IL1RAPL2: variants seen among roughly 807,000 people sequenced by gnomAD.
IL1RAPL2 encodes the protein X-linked interleukin-1 receptor accessory protein-like 2.
A neutral mutation model predicts 44.1 loss-of-function variants in IL1RAPL2; 3 were observed. The ratio of observed to expected loss-of-function variants is 0.07; its 90% CI spans 0.03 to 0.18. The LOEUF (loss-of-function observed/expected upper bound fraction) is 0.18. Among genes scored for constraint, IL1RAPL2 ranks in the 10% least tolerant of loss-of-function variants. The probability of loss-of-function intolerance (pLI) is 1.00; values close to 1 mark genes in which losing one functional copy is unlikely to be tolerated. For missense variants in IL1RAPL2, 391 were observed against 496.4 expected (o/e 0.79, Z 2.02); for synonymous variants, 181 against 178.8 (o/e 1.01, Z -0.10).
chrX:105,512,122 A>G (rs2036474879), intron 6 of IL1RAPL2, among the ~76,000 whole-genome samples: 1 of 111,264 alleles, frequency 9.0e-6, no homozygotes, highest in Non-Finnish European at 1.9e-5. Flanking sequence ...TTTCTGGGTG[A>G]AAAACTGTCA....
rs781944873 is a variant in IL1RAPL2, at chrX:105,196,406, T to C, written c.356+658T>C. Among the ~76,000 whole-genome samples the C allele has an allele frequency of 2.7e-5, 3 of 112,146 alleles. No individual in the cohort carries two copies. The East Asian group carries it at 8.5e-4, about 32-fold the overall frequency. The stretch of plus-strand genomic sequence containing the variant: ...GCTAGTTGACTCAATTATCTTGATA[T>C]CTGGCCACGAAAATGATCTAAAATA... On this transcript the variant is annotated intron_variant, in intron 3 of 10. Transcript: ENST00000372582.
chrX:105,144,203 T>C (rs1361309676), intron 2 of IL1RAPL2, among the ~76,000 whole-genome samples: 1 of 107,403 alleles, frequency 9.3e-6, no homozygotes, highest in East Asian at 3.0e-4. Flanking sequence ...CTTCTGCCAA[T>C]CTTTCCTGTG....
At chrX:105,754,519 CA>C (rs1297075947) in intron 9 of IL1RAPL2, among the ~76,000 whole-genome samples, 2 of 112,536 alleles carry the variant, frequency 1.8e-5, no homozygotes, top group Non-Finnish European at 3.8e-5. Context: ...TATTTTGAAA[CA>C]AAGGCTTCTT....
intron 3 of IL1RAPL2, among the ~76,000 whole-genome samples, chrX:105,197,776 T>G (rs782163668): frequency 1.8e-5 from 2 of 111,144 alleles, no homozygotes; most frequent in East Asian, 2.8e-4. Flanking sequence ...TTTACTTTTA[T>G]TTTAGGCTCA....
intron 6 of IL1RAPL2, among the ~76,000 whole-genome samples, chrX:105,521,049 C>T (rs1259025880): frequency 9.4e-4 from 97 of 103,496 alleles, no homozygotes; most frequent in African/African-American, 3.3e-3. Flanking sequence ...ATTCTCCTGC[C>T]TCAGCCTCCC....
intron 2 of IL1RAPL2, among the ~76,000 whole-genome samples, chrX:104,848,766 A>T (rs1245254622): frequency 9.1e-6 from 1 of 109,539 alleles, no homozygotes; most frequent in Non-Finnish European, 1.9e-5. Flanking sequence ...TATAATTTTT[A>T]AAAACATGTT....
intron 2 of IL1RAPL2, among the ~76,000 whole-genome samples, chrX:104,866,612 C>T (rs1244417762): frequency 8.9e-6 from 1 of 112,024 alleles, no homozygotes; most frequent in Non-Finnish European, 1.9e-5. Flanking sequence ...AAAATATTTT[C>T]TCTCTGACTT....
At chrX:105,479,168 C>T (rs2036216861) in intron 5 of IL1RAPL2, among the ~76,000 whole-genome samples, 1 of 110,937 alleles carries the variant, frequency 9.0e-6, no homozygotes, top group African/African-American at 3.3e-5. Context: ...TATTGTGGGC[C>T]TGGTGAAATC....
intron 2 of IL1RAPL2, among the ~76,000 whole-genome samples, chrX:105,081,803 C>G (rs1380295452): frequency 8.9e-6 from 1 of 112,014 alleles, no homozygotes; most frequent in African/African-American, 3.2e-5. Flanking sequence ...TTGAACCAGC[C>G]TTGCATCCCA....
chrX:104,656,414 G>C (rs1930262676), intron 1 of IL1RAPL2, among the ~76,000 whole-genome samples: 1 of 111,838 alleles, frequency 8.9e-6, no homozygotes, highest in Non-Finnish European at 1.9e-5. Context: ...CTTTATTTCT[G>C]CCTTCATTTC....
intron 5 of IL1RAPL2, among the ~76,000 whole-genome samples, chrX:105,399,481 T>C (rs1305375613): frequency 9.0e-6 from 1 of 110,993 alleles, no homozygotes; most frequent in East Asian, 2.8e-4. Context: ...CTGATCACCC[T>C]ATATTGTAAT....
chrX:105,621,972 T>TG (rs1014890883), intron 6 of IL1RAPL2, among the ~76,000 whole-genome samples: 3 of 109,555 alleles, frequency 2.7e-5, no homozygotes, highest in African/African-American at 1.0e-4. Flanking sequence ...TGTGTGTATA[T>TG]GGGGGGATGG....
intron 5 of IL1RAPL2, among the ~76,000 whole-genome samples, chrX:105,272,040 C>A (rs1248781397): frequency 9.5e-6 from 1 of 105,138 alleles, no homozygotes. Flanking sequence ...GAACAAAAAA[C>A]CAAACACCGC....
chrX:104,734,930 A>G lies in IL1RAPL2; in HGVS notation c.82+75935A>G, dbSNP rs371046729. On this transcript the variant is annotated intron_variant, in intron 2 of 10. Transcript: ENST00000372582. ...TCCTGGTGTAATTATTAATAGTGTC[A>G]ATTGTAGAATTCTGTTTGAATGGTA... Among the ~76,000 whole-genome samples the G allele has an allele frequency of 3.5e-4, 39 of 112,037 alleles. No individual in the cohort carries two copies. In the East Asian group the frequency reaches 6.8e-3, roughly 19 times the overall value.
At chrX:104,920,697 A>G (rs1386541102) in intron 2 of IL1RAPL2, among the ~76,000 whole-genome samples, 1 of 108,174 alleles carries the variant, frequency 9.2e-6, no homozygotes, top group Non-Finnish European at 1.9e-5. Context: ...TTTCTTTAAA[A>G]ATTACCCAGT....
At chrX:105,092,321 C>T (rs776078589) in intron 2 of IL1RAPL2, among the ~76,000 whole-genome samples, 1 of 111,438 alleles carries the variant, frequency 9.0e-6, no homozygotes, top group African/African-American at 3.3e-5. Context: ...CTATCATACT[C>T]ATAGTTATGG....
At chrX:105,054,807 G>A (rs1373829267) in intron 2 of IL1RAPL2, among the ~76,000 whole-genome samples, 2 of 111,851 alleles carry the variant, frequency 1.8e-5, no homozygotes, top group Non-Finnish European at 3.8e-5. Flanking sequence ...AGCCTAAATT[G>A]TCTGGCTGGC....
chrX:105,315,578 G>GTATATATATATA (rs771525814), intron 5 of IL1RAPL2, among the ~76,000 whole-genome samples: 411 of 21,799 alleles, frequency 0.019, 84 homozygotes, highest in South Asian at 0.11. Flanking sequence ...ACTAATGGAT[G>GTATATATATATA]TATATATATA....
At chrX:104,869,437 T>G (rs181153628) in intron 2 of IL1RAPL2, among the ~76,000 whole-genome samples, 5 of 111,931 alleles carry the variant, frequency 4.5e-5, no homozygotes, top group African/African-American at 1.6e-4. Context: ...TTAATATATA[T>G]TTTAATAAAA....
Sources: gnomAD v4.1 joint callset for allele counts (sites outside exome capture counted in the v4.1 genomes callset) on GRCh38, gnomAD v4.1.1 for gene constraint, MANE v1.5 for transcripts, NCBI Gene and HGNC (gene_info 2026-07-23, HGNC 2026-07-21) for gene names.